The following GRM7 variants were observed in gnomAD, a reference collection of about 807,000 sequenced individuals.
GRM7 encodes the protein glutamate metabotropic receptor 7.
A neutral mutation model predicts 84.5 loss-of-function variants in GRM7; 35 were observed. The ratio of observed to expected loss-of-function variants is 0.41; its 90% confidence interval spans 0.32 to 0.55. The LOEUF (loss-of-function observed/expected upper bound fraction) is 0.55. GRM7 is among the 20% of genes least tolerant of loss of function. The probability of loss-of-function intolerance (pLI) is 0.19; values close to 1 mark genes in which losing one functional copy is unlikely to be tolerated. For synonymous variants in GRM7, 487 were observed against 455.1 expected (o/e 1.07, Z -0.89); for missense variants, 1,003 against 1,194.6 (o/e 0.84, Z 2.36).
At chr3:7,525,808 T>G (rs1276390983) in intron 7 of GRM7, among the ~76,000 whole-genome samples, 1 of 152,116 alleles carries the variant, frequency 6.6e-6, no homozygotes, top group Non-Finnish European at 1.5e-5. Flanking sequence ...ACATGTGATA[T>G]TTGGTTTTTT....
intron 4 of GRM7, among the ~76,000 whole-genome samples, chr3:7,371,816 G>A (rs1027621457): frequency 3.3e-5 from 5 of 152,152 alleles, no homozygotes; most frequent in Non-Finnish European, 5.9e-5. Context: ...GAATCCAACT[G>A]TAAAAAGGGA....
intron 1 of GRM7, among the ~76,000 whole-genome samples, chr3:7,056,364 T>G (rs556431651): frequency 1.3e-5 from 2 of 152,062 alleles, no homozygotes; most frequent in South Asian, 4.1e-4. Context: ...TTAGGTTTAC[T>G]TTCTCATCAG....
chr3:7,277,410 T>G (rs1434227338), intron 2 of GRM7, among the ~76,000 whole-genome samples: 1 of 152,012 alleles, frequency 6.6e-6, no homozygotes, highest in East Asian at 1.9e-4. Context: ...AGATGTCCAT[T>G]TTGAACCAAT....
intron 8 of GRM7, among the ~76,000 whole-genome samples, chr3:7,598,454 C>G (rs1696153754): frequency 6.6e-6 from 1 of 152,148 alleles, no homozygotes; most frequent in Admixed American, 6.5e-5. Context: ...ACCCATTTAT[C>G]CAGCATTCTC....
intron 1 of GRM7, among the ~76,000 whole-genome samples, chr3:7,098,721 G>A (rs963291042): frequency 6.6e-6 from 1 of 151,896 alleles, no homozygotes; most frequent in South Asian, 2.1e-4. Context: ...AAAAAACATC[G>A]ATGATGGATA....
intron 2 of GRM7, among the ~76,000 whole-genome samples, chr3:7,278,249 G>A (rs1018254878): frequency 1.3e-5 from 2 of 151,940 alleles, no homozygotes; most frequent in Non-Finnish European, 2.9e-5. Flanking sequence ...TTAAGCATTA[G>A]TATTGGGTCC....
intron 9 of GRM7, among the ~76,000 whole-genome samples, chr3:7,698,901 G>C (rs79273486): frequency 4.6e-5 from 7 of 152,278 alleles, no homozygotes; most frequent in Non-Finnish European, 1.0e-4. Flanking sequence ...CTATGGGAAT[G>C]TACTCTATAT....
chr3:7,396,814 A>G (rs1391308484), intron 4 of GRM7, among the ~76,000 whole-genome samples: 2 of 152,144 alleles, frequency 1.3e-5, no homozygotes, highest in African/African-American at 4.8e-5. Context: ...TAGCCACTTC[A>G]TTTTAAAGTG....
In GRM7 at chr3:7,571,354, C is replaced by T. The variant is rs185440645; in HGVS notation, c.1516-7068C>T. On this transcript the variant is annotated intron_variant, in intron 7 of 9. Coordinates refer to ENST00000357716, the MANE Select transcript of GRM7 (RefSeq NM_000844.4). The stretch of plus-strand genomic sequence containing the variant: ...ATAAAACTGAATGCCTTTAACAGCA[C>T]CCAAGTCACCTCTTAAATGCTTTGC... Among the ~76,000 whole-genome samples the T allele has an allele frequency of 2.6e-5, 4 of 152,292 alleles. No homozygotes were observed. In the East Asian group the frequency reaches 7.7e-4, roughly 29 times the overall value.
Position 7,359,220 on chromosome 3 carries a change from T to TTGTGTGTGTG in GRM7, c.1033+52594_1033+52603dup, listed in dbSNP as rs34535570. Among the ~76,000 whole-genome samples the TTGTGTGTGTG allele has an allele frequency of 2.4e-3, 326 of 133,232 alleles. 22 individuals carry two copies. Among genetic ancestry groups the TTGTGTGTGTG allele is most frequent in the African/African-American group, 8.5e-3 (284 of 33,566 alleles). The allele number at this position is 133,232 out of a possible 152,430, so 87.4% of individuals were successfully genotyped here. ...TTACCATTTGGTAGGGTGTTTGTGT[T>TTGTGTGTGTG]TGTGTGTGTGTGTGTGTGTGTGTGT... On this transcript the variant is annotated intron_variant, in intron 4 of 9. Coordinates refer to ENST00000357716, the MANE Select transcript of GRM7 (RefSeq NM_000844.4).
intron 8 of GRM7, among the ~76,000 whole-genome samples, chr3:7,677,205 T>C (rs1159414104): frequency 7.3e-6 from 1 of 136,900 alleles, no homozygotes; most frequent in Non-Finnish European, 1.5e-5. Context: ...GAGGTTGCAG[T>C]GAGCTGAGAT....
chr3:7,141,831 T>C lies in GRM7; in HGVS notation c.520-4621T>C, dbSNP rs1168934761. 2.6e-5 allele frequency among the ~76,000 whole-genome samples: 4 copies of C among 152,190 alleles called. No homozygotes were observed. The East Asian group carries it at 7.7e-4, about 29-fold the overall frequency. On this transcript the variant is annotated intron_variant, in intron 1 of 9. Coordinates refer to ENST00000357716, the MANE Select transcript of GRM7 (RefSeq NM_000844.4). The stretch of plus-strand genomic sequence containing the variant: ...GATGTTCTTTTCTGTCATTAAAGAA[T>C]TATTAATTAATAAATGGTGCTAAAT...
chr3:7,663,385 C>T (rs934407327), intron 8 of GRM7, among the ~76,000 whole-genome samples: 7 of 152,168 alleles, frequency 4.6e-5, no homozygotes, highest in Admixed American at 6.5e-5. Context: ...GGGGCATAAA[C>T]GTAAGCAAGC....
intron 1 of GRM7, 43 bp from the exon 2 acceptor site, chr3:7,146,409 T>A (rs1694111852): frequency 1.4e-6 from 2 of 1,391,996 alleles, no homozygotes; most frequent in African/African-American, 1.4e-5. Flanking sequence ...GTCTCTTACA[T>A]CCTGACGGTG....
At chr3:7,473,489 G>GGAGGGAGA (rs1553603708) in intron 7 of GRM7, among the ~76,000 whole-genome samples, 2 of 126,432 alleles carry the variant, frequency 1.6e-5, no homozygotes, top group African/African-American at 3.0e-5. Flanking sequence ...AAAACGAGAG[G>GGAGGGAGA]GAGAGAGAGA....
intron 8 of GRM7, among the ~76,000 whole-genome samples, chr3:7,667,883 A>G (rs899355829): frequency 6.6e-6 from 1 of 151,660 alleles, no homozygotes; most frequent in Non-Finnish European, 1.5e-5. Context: ...AAAAAACTTC[A>G]ACGCCTGAAC....
chr3:7,285,060 A>AT (rs1485898706), intron 2 of GRM7, among the ~76,000 whole-genome samples: 1 of 152,048 alleles, frequency 6.6e-6, no homozygotes, highest in Non-Finnish European at 1.5e-5. Context: ...TGTAAATTTT[A>AT]TTTTTTTGAA....
intron 2 of GRM7, among the ~76,000 whole-genome samples, chr3:7,266,830 G>A (rs56030087): frequency 0.018 from 2,783 of 152,188 alleles, 78 homozygotes; most frequent in African/African-American, 0.064. Context: ...TTTTTCAACA[G>A]GTTTCTGGTT....
At chr3:7,569,008 C>T (rs1694497243) in intron 7 of GRM7, among the ~76,000 whole-genome samples, 2 of 152,210 alleles carry the variant, frequency 1.3e-5, no homozygotes, top group Admixed American at 1.3e-4. Context: ...CAGGCAGCTC[C>T]ACCTGCGCCC....
Sources: gnomAD v4.1 joint callset for allele counts (sites outside exome capture counted in the v4.1 genomes callset) on GRCh38, gnomAD v4.1.1 for gene constraint, MANE v1.5 for transcripts, NCBI Gene and HGNC (gene_info 2026-07-23, HGNC 2026-07-21) for gene names.